BANK1: variants seen among roughly 807,000 people sequenced by gnomAD.
BANK1 encodes the protein B-cell scaffold protein with ankyrin repeats.
BANK1 carries 95 observed loss-of-function variants against 94.5 expected under a neutral mutation model. The observed-to-expected ratio is 1.00, with a 90% CI of 0.85 to 1.19. BANK1 has a LOEUF of 1.19. Among genes scored for constraint, BANK1 ranks in the 50% most tolerant of loss-of-function variants. BANK1 has a pLI of 0.00. For missense variants in BANK1, 987 were observed against 932.2 expected, an observed-to-expected ratio of 1.06 and a Z score of -0.77; for synonymous variants, 334 against 308.4, an observed-to-expected ratio of 1.08 and a Z score of -0.87.
At chr4:101,791,806 T>C (rs1724997153) in intron 1 of BANK1, among the ~76,000 whole-genome samples, 1 of 152,206 alleles carries the variant, frequency 6.6e-6, no homozygotes, top group Non-Finnish European at 1.5e-5. Context: ...TTCTGTTGGC[T>C]AGTGCATTTT....
chr4:101,947,160 A>G (rs970025300), intron 7 of BANK1, among the ~76,000 whole-genome samples: 29 of 151,442 alleles, frequency 1.9e-4, no homozygotes, highest in Admixed American at 2.6e-4. Flanking sequence ...GATCTCAGTA[A>G]ATTCTGAATA....
chr4:101,885,448 C>T (rs1013830651), intron 5 of BANK1, among the ~76,000 whole-genome samples: 1 of 152,178 alleles, frequency 6.6e-6, no homozygotes, highest in African/African-American at 2.4e-5. Flanking sequence ...CTACAGGGAA[C>T]TTTGCATGTG....
chr4:101,822,813 C>T (rs924688115), intron 1 of BANK1, among the ~76,000 whole-genome samples: 36 of 151,984 alleles, frequency 2.4e-4, no homozygotes, highest in African/African-American at 2.4e-4. Context: ...GGCGGGGTTT[C>T]GCCACGTTAG....
In BANK1 at chr4:102,073,693, C is replaced by G. The variant is rs763596060; in HGVS notation, c.2308C>G (p.Arg770Gly). Residue 770 changes from arginine (R) to glycine (G), a missense_variant, in exon 16 of 17, where the codon CGA becomes GGA. Transcript: ENST00000322953. Reference protein sequence around the residue: ...NVHFSNKLPARPQVEKEFGFC... With the variant: ...NVHFSNKLPAGPQVEKEFGFC... ...CTTTATTTTTTTTCAGCTTCCTGCT[C>G]GACCCCAAGTTGAAAAGGAATTTGG... The G allele has an allele frequency of 1.2e-6, 2 of 1,610,582 alleles. No homozygotes were observed. The highest frequency in any genetic ancestry group is 1.1e-5 in the South Asian group (1 of 90,444).
At chr4:101,977,928 A>G (rs1725189395) in intron 7 of BANK1, among the ~76,000 whole-genome samples, 1 of 149,042 alleles carries the variant, frequency 6.7e-6, no homozygotes, top group Admixed American at 6.7e-5. Context: ...TTAGTATTAA[A>G]TGTTTTAAAA....
In BANK1 at chr4:101,814,279, G is replaced by C. The variant is rs949336285; in HGVS notation, c.71-15529G>C. 5.3e-5 allele frequency among the ~76,000 whole-genome samples: 8 copies of C among 152,140 alleles called. No homozygotes were observed. The South Asian group carries it at 1.7e-3, about 32-fold the overall frequency. Reference sequence around the variant, plus strand: ...TAAATCTGCCTAAAGCCCATGAAAAGTATTCAGGCAGGTAAAACAAATTTT... The same window carrying C: ...TAAATCTGCCTAAAGCCCATGAAAACTATTCAGGCAGGTAAAACAAATTTT... On this transcript the variant is annotated intron_variant, in intron 1 of 16. Transcript: ENST00000322953.
At chr4:101,795,943 G>T (rs961788160) in intron 1 of BANK1, among the ~76,000 whole-genome samples, 2 of 152,168 alleles carry the variant, frequency 1.3e-5, no homozygotes, top group African/African-American at 4.8e-5. Context: ...GTGTTGTCAG[G>T]CTTATACAGA....
At chr4:101,853,279 C>T (rs574219463) in intron 2 of BANK1, among the ~76,000 whole-genome samples, 2 of 152,272 alleles carry the variant, frequency 1.3e-5, no homozygotes, top group Admixed American at 1.3e-4. Flanking sequence ...CAGCTCCTCC[C>T]TCTCAAGGGA....
intron 11 of BANK1, among the ~76,000 whole-genome samples, chr4:102,054,292 C>G (rs184120144): frequency 2.5e-3 from 386 of 152,200 alleles, no homozygotes; most frequent in Admixed American, 3.7e-3. Context: ...TTCACGTAAT[C>G]GTATTAACAA....
intron 7 of BANK1, among the ~76,000 whole-genome samples, chr4:102,012,512 A>G (rs867211180): frequency 6.6e-6 from 1 of 152,198 alleles, no homozygotes; most frequent in East Asian, 1.9e-4. Context: ...TAATTTGTCA[A>G]ATAACACTTA....
At chr4:101,958,055 C>T (rs1318933371) in intron 7 of BANK1, among the ~76,000 whole-genome samples, 1 of 130,586 alleles carries the variant, frequency 7.7e-6, no homozygotes, top group Non-Finnish European at 1.8e-5. Flanking sequence ...ACCGTGTTAG[C>T]CAGGATGGTC....
intron 7 of BANK1, among the ~76,000 whole-genome samples, chr4:102,015,219 AATAAAT>A (rs1425020515): frequency 1.3e-5 from 2 of 152,086 alleles, no homozygotes; most frequent in Non-Finnish European, 2.9e-5. Flanking sequence ...GCAATATTTG[AATAAAT>A]ATAATTTATA....
At chr4:102,055,544 CTTTCTCCATTAT>C (rs1263403279) in intron 11 of BANK1, among the ~76,000 whole-genome samples, 2 of 151,962 alleles carry the variant, frequency 1.3e-5, no homozygotes. Flanking sequence ...GAAGGAGATA[CTTTCTCCATTAT>C]TTTTAGATGA....
intron 6 of BANK1, among the ~76,000 whole-genome samples, chr4:101,896,622 C>A (rs1452509412): frequency 1.3e-5 from 2 of 151,320 alleles, no homozygotes; most frequent in Non-Finnish European, 1.5e-5. Flanking sequence ...AATTCACTTA[C>A]AAAATTAAAT....
intron 13 of BANK1, among the ~76,000 whole-genome samples, chr4:102,065,047 C>T (rs1728546124): frequency 6.6e-6 from 1 of 152,132 alleles, no homozygotes; most frequent in Admixed American, 6.5e-5. Flanking sequence ...GCATGCAAGA[C>T]AGCAACTTCT....
chr4:102,019,051 C>T (rs1298462157), intron 7 of BANK1, among the ~76,000 whole-genome samples: 1 of 152,096 alleles, frequency 6.6e-6, no homozygotes, highest in Non-Finnish European at 1.5e-5. Flanking sequence ...CTCCTGACCT[C>T]AGGTAATCCA....
intron 1 of BANK1, among the ~76,000 whole-genome samples, chr4:101,799,040 C>T (rs1418450259): frequency 3.3e-5 from 5 of 152,140 alleles, no homozygotes; most frequent in Non-Finnish European, 7.4e-5. Flanking sequence ...CTTGCCCATG[C>T]CTATGTCCTG....
At chr4:101,809,382 A>G (rs990608665) in intron 1 of BANK1, among the ~76,000 whole-genome samples, 1 of 152,154 alleles carries the variant, frequency 6.6e-6, no homozygotes, top group African/African-American at 2.4e-5. Flanking sequence ...AAAAGACTAC[A>G]TATTAGGTAC....
intron 1 of BANK1, among the ~76,000 whole-genome samples, chr4:101,801,010 G>T (rs1725340807): frequency 6.6e-6 from 1 of 152,138 alleles, no homozygotes; most frequent in Non-Finnish European, 1.5e-5. Flanking sequence ...CACCTGCCTT[G>T]GCCTCCCAAG....
Sources: gnomAD v4.1 joint callset for allele counts (sites outside exome capture counted in the v4.1 genomes callset) on GRCh38, gnomAD v4.1.1 for gene constraint, MANE v1.5 for transcripts, NCBI Gene and HGNC (gene_info 2026-07-23, HGNC 2026-07-21) for gene names.